SKIDA1: variants seen among roughly 807,000 people sequenced by gnomAD.
The protein encoded by SKIDA1 is SKI/DACH domain containing 1.
A neutral mutation model predicts 51.4 loss-of-function variants in SKIDA1; 18 were observed. The ratio of observed to expected loss-of-function variants is 0.35; its 90% CI spans 0.24 to 0.52. The LOEUF (loss-of-function observed/expected upper bound fraction) is 0.52. Among genes scored for constraint, SKIDA1 ranks in the 20% least tolerant of loss-of-function variants. SKIDA1 has a pLI of 0.95. For synonymous variants in SKIDA1, 579 were observed against 500.5 expected, an observed-to-expected ratio of 1.16 and a Z score of -2.09; for missense variants, 1,104 against 1,180.6, an observed-to-expected ratio of 0.94 and a Z score of 0.95.
Position 21,516,537 on chromosome 10 carries a change from C to CCCTCCTCCTCCTCCTCCTCTT in SKIDA1, c.1285_1286insAAGAGGAGGAGGAGGAGGAGG (p.Glu422_Glu428dup), listed in dbSNP as rs112207161. ...ACTGGAATCCGAGGCCCCGCTGCCC[C>CCCTCCTCCTCCTCCTCCTCTT]CCTCCTCCTCCTCTTCCTCCTCCTC... On this transcript the variant is annotated inframe_insertion, in exon 4 of 4. Coordinates refer to ENST00000449193, the MANE Select transcript of SKIDA1 (RefSeq NM_207371.4). This position sits in a 1 kb window ranked among gnomAD's most constrained non-coding sequence, Gnocchi z 5.7. The CCCTCCTCCTCCTCCTCCTCTT allele has an allele frequency of 7.0e-7, 1 of 1,431,856 alleles. No individual in the cohort carries two copies. The highest frequency in any genetic ancestry group is 9.5e-7 in the Non-Finnish European group (1 of 1,057,102). The allele number at this position is 1,431,856 out of a possible 1,614,324, so 88.7% of individuals were successfully genotyped here.
intron 3 of SKIDA1, among the ~76,000 whole-genome samples, chr10:21,520,715 C>T (rs1456958146): frequency 6.6e-6 from 1 of 151,544 alleles, no homozygotes; most frequent in African/African-American, 2.4e-5. Context: ...TTCAAAACTA[C>T]CTTCTTTTCC....
At position 21,517,257 on chromosome 10, in the gene SKIDA1, C is replaced by T; in HGVS notation, c.566G>A (p.Cys189Tyr). 6.8e-7 allele frequency: 1 copy of T among 1,474,522 alleles called. No homozygotes were observed. Among genetic ancestry groups the T allele is most frequent in the Non-Finnish European group, 9.0e-7 (1 of 1,110,086 alleles). The allele number at this position is 1,474,522 out of a possible 1,614,324, so 91.3% of individuals were successfully genotyped here. ...SHYPEIVRSP[C>Y]KPPLNYETAP... Reference sequence around the variant, plus strand: ...AGTTTCATAGTTTAGAGGGGGTTTGCACGGCGAGCGCACGATCTCCGGGTA... The same window carrying T: ...AGTTTCATAGTTTAGAGGGGGTTTGTACGGCGAGCGCACGATCTCCGGGTA... The change falls in exon 4 of 4, where the codon TGC (cysteine) becomes TAC (tyrosine). Residue 189 changes from cysteine (C) to tyrosine (Y), a missense_variant. Physicochemically the swap from Cys to Tyr is radical, Grantham distance 194. Coordinates refer to ENST00000449193, the MANE Select transcript of SKIDA1 (RefSeq NM_207371.4). The surrounding 1 kb of genome is among the most constrained non-coding windows in gnomAD (Gnocchi z 6.9).
chr10:21,517,121 AGCAGCGGCG>A lies in SKIDA1; in HGVS notation c.693_701del (p.Ala242_Ala244del), dbSNP rs1419517105. 3 of 1,076,470 alleles carry A rather than the reference AGCAGCGGCG, an allele frequency of 2.8e-6. No individual in the cohort carries two copies. Among genetic ancestry groups the A allele is most frequent in the African/African-American group, 1.9e-5 (1 of 52,290 alleles). The allele number at this position is 1,076,470 out of a possible 1,614,324, so 66.7% of individuals were successfully genotyped here. Reference sequence around the variant, plus strand: ...CGGCGGCGGCGGCGGCGGCGGCGGCAGCAGCGGCGGCGGCGGCGGCGGCGGCGGCTGCCG... The same window carrying A: ...CGGCGGCGGCGGCGGCGGCGGCGGCAGCGGCGGCGGCGGCGGCGGCTGCCG... On this transcript the variant is annotated inframe_deletion, in exon 4 of 4. Coordinates refer to ENST00000449193, the MANE Select transcript of SKIDA1 (RefSeq NM_207371.4). This position sits in a 1 kb window ranked among gnomAD's most constrained non-coding sequence, Gnocchi z 6.9.
In SKIDA1 at chr10:21,514,273, T is replaced by C. The variant is rs1480363832; in HGVS notation, c.*823A>G. The C allele has an allele frequency of 6.9e-6, 1 of 145,452 alleles. No homozygotes were observed. The highest frequency in any genetic ancestry group is 1.5e-5 in the Non-Finnish European group (1 of 66,624). 9.0% of individuals were successfully genotyped at this position (145,452 alleles called of 1,614,324 possible). ...ATTGTTTTGGGAGTTTGAAGAGTCA[T>C]GTTCAGACCACAAGATAAGCAGGAC... On this transcript the variant is annotated 3_prime_UTR_variant, in exon 4 of 4. Coordinates refer to ENST00000449193, the MANE Select transcript of SKIDA1 (RefSeq NM_207371.4).
intron 2 of SKIDA1, among the ~76,000 whole-genome samples, 198 bp from the exon 3 acceptor site, chr10:21,521,678 G>A (rs2032400059): frequency 6.6e-6 from 1 of 152,144 alleles, no homozygotes; most frequent in South Asian, 2.1e-4. Context: ...GATATGCATT[G>A]AGTTTAATTA....
chr10:21,517,126 C>T lies in SKIDA1; in HGVS notation c.697G>A (p.Ala233Thr), dbSNP rs1300747668. Residue 233 changes from alanine (A) to threonine (T), a missense_variant, in exon 4 of 4, where the codon GCT becomes ACT. By Grantham distance (58) the Ala-to-Thr change is moderately conservative. This residue lies in a region of SKIDA1 where 938 missense variants were observed against 886.4 expected (regional missense o/e 1.06). Transcript: ENST00000449193. This position sits in a 1 kb window ranked among gnomAD's most constrained non-coding sequence, Gnocchi z 6.9. Reference protein sequence around the residue: ...PAAAAAAAAAAAAAAAAAAAA... With the variant: ...PAAAAAAAAATAAAAAAAAAA... ...GCGGCGGCGGCGGCGGCGGCAGCAGCGGCGGCGGCGGCGGCGGCGGCGGCT... is the reference window on the plus strand; with the variant it reads ...GCGGCGGCGGCGGCGGCGGCAGCAGTGGCGGCGGCGGCGGCGGCGGCGGCT... 8.8e-6 allele frequency: 10 copies of T among 1,137,928 alleles called. No homozygotes were observed. Among genetic ancestry groups the T allele is most frequent in the Non-Finnish European group, 1.1e-5 (10 of 922,272 alleles). The allele number at this position is 1,137,928 out of a possible 1,614,324, so 70.5% of individuals were successfully genotyped here. A position where few individuals can be genotyped will look rare whatever the true frequency, so the allele number is the denominator to read the frequency against.
Position 21,516,916 on chromosome 10 carries a change from C to G in SKIDA1, c.907G>C (p.Ala303Pro). Residue 303 changes from alanine (A) to proline (P), a missense_variant, in exon 4 of 4, where the codon GCG (alanine) becomes CCG (proline). By Grantham distance (27) the Ala-to-Pro change is conservative (BLOSUM62 -1). This residue lies in a region of SKIDA1 where 938 missense variants were observed against 886.4 expected (regional missense o/e 1.06). Coordinates refer to ENST00000449193, the MANE Select transcript of SKIDA1 (RefSeq NM_207371.4). This position sits in a 1 kb window ranked among gnomAD's most constrained non-coding sequence, Gnocchi z 5.7. ...LLLPRSYKAKAAAAAAAAAAA... is the reference protein window; with the variant it reads ...LLLPRSYKAKPAAAAAAAAAA... ...GCCGCCGCCGCCGCCGCCGCCGCCG[C>G]CTTGGCTTTGTAGGACCTGGGCAAC... 8.9e-7 allele frequency: 1 copy of G among 1,124,780 alleles called. No individual in the cohort carries two copies. Among genetic ancestry groups the G allele is most frequent in the Non-Finnish European group, 1.1e-6 (1 of 922,928 alleles). The allele number at this position is 1,124,780 out of a possible 1,614,324, so 69.7% of individuals were successfully genotyped here. A position where few individuals can be genotyped will look rare whatever the true frequency, so the allele number is the denominator to read the frequency against.
chr10:21,515,556 C>A lies in SKIDA1; in HGVS notation c.2267G>T (p.Gly756Val), dbSNP rs779740258. The A allele has an allele frequency of 3.4e-5, 55 of 1,613,884 alleles. No individual in the cohort carries two copies. Among genetic ancestry groups the A allele is most frequent in the Non-Finnish European group, 4.3e-5 (51 of 1,179,900 alleles). Residue 756 changes from glycine (G) to valine (V), a missense_variant, in exon 4 of 4, where the codon GGC becomes GTC. Around this residue, in one of 3 missense-constraint regions of SKIDA1, gnomAD observed 938 missense variants for 886.4 expected, o/e 1.06. Transcript: ENST00000449193. ...PSLNPLAQSQ[G>V]LSCTLGSPKP... ...TGGAGAACCTAAAGTGCATGAAAGG[C>A]CCTGACTTTGAGCCAGTGGATTTAA... is the stretch of plus-strand genomic sequence containing the variant.
At position 21,516,938 on chromosome 10, in the gene SKIDA1, C is replaced by T. The variant is rs2032244362; in HGVS notation, c.885G>A (p.Leu295=). Residue 295 remains leucine, a synonymous_variant, in exon 4 of 4, where the codon TTG becomes TTA. Coordinates refer to ENST00000449193, the MANE Select transcript of SKIDA1 (RefSeq NM_207371.4). The surrounding 1 kb of genome is among the most constrained non-coding windows in gnomAD (Gnocchi z 5.7). ...CCGCCTTGGCTTTGTAGGACCTGGG[C>T]AACAGCAGCAGGCGCCGCGCGCCGG... ...PHAGARRLLL[L]PRSYKAKAAA... 1 of 1,160,370 alleles carries T rather than the reference C, an allele frequency of 8.6e-7. No individual in the cohort carries two copies. The highest frequency in any genetic ancestry group is 1.1e-6 in the Non-Finnish European group (1 of 940,334). The allele number at this position is 1,160,370 out of a possible 1,614,324, so 71.9% of individuals were successfully genotyped here.
At chr10:21,520,166 G>A (rs2032351746) in intron 3 of SKIDA1, among the ~76,000 whole-genome samples, 1 of 152,164 alleles carries the variant, frequency 6.6e-6, no homozygotes, top group South Asian at 2.1e-4. Flanking sequence ...AATGGATCTC[G>A]TGATATTTCA....
chr10:21,516,071 C>T lies in SKIDA1; in HGVS notation c.1752G>A (p.Lys584=). The T allele has an allele frequency of 6.2e-7, 1 of 1,614,044 alleles. No homozygotes were observed. The highest frequency in any genetic ancestry group is 8.5e-7 in the Non-Finnish European group (1 of 1,179,898). ...TTTGTTGTGGAAATGCATTGTTTGT[C>T]TTTGGGCTAGGTGAAGAGGCCCCCT... ...LAEGASSPSP[K]TNNAFPQQRI... Residue 584 remains lysine (K), a synonymous_variant, in exon 4 of 4, where the codon AAG becomes AAA. Coordinates refer to ENST00000449193, the MANE Select transcript of SKIDA1 (RefSeq NM_207371.4). This position sits in a 1 kb window ranked among gnomAD's most constrained non-coding sequence, Gnocchi z 5.7.
At position 21,515,444 on chromosome 10, in the gene SKIDA1, C is replaced by T. The variant is rs759530337; in HGVS notation, c.2379G>A (p.Gln793=). The change falls in exon 4 of 4, where the codon CAG becomes CAA. Residue 793 remains glutamine (Q), a synonymous_variant. Coordinates refer to ENST00000449193, the MANE Select transcript of SKIDA1 (RefSeq NM_207371.4). ...TLVLGKRPVL[Q]TPPVKPNLKS... is the part of the protein sequence containing the mutation. ...TCAAATTTGGTTTGACTGGAGGTGT[C>T]TGAAGGACAGGTCGCTTTCCCAGTA... The T allele has an allele frequency of 6.2e-7, 1 of 1,614,040 alleles. No homozygotes were observed. Among genetic ancestry groups the T allele is most frequent in the Non-Finnish European group, 8.5e-7 (1 of 1,179,898 alleles).
At position 21,516,514 on chromosome 10, in the gene SKIDA1, T is replaced by C. The variant is rs777401308; in HGVS notation, c.1309A>G (p.Ser437Gly). ...TCCTCCTCCTCCGAGCTGACTTCACTGGAATCCGAGGCCCCGCTGCCCCCC... is the reference window on the plus strand; with the variant it reads ...TCCTCCTCCTCCGAGCTGACTTCACCGGAATCCGAGGCCCCGCTGCCCCCC... ...EEGGSGASDS[S>G]EVSSEEEDSS... The change falls in exon 4 of 4, where the codon AGT becomes GGT. Residue 437 changes from serine to glycine, a missense_variant. By Grantham distance (56) the Ser-to-Gly change is moderately conservative (BLOSUM62 0). Coordinates refer to ENST00000449193, the MANE Select transcript of SKIDA1 (RefSeq NM_207371.4). This position sits in a 1 kb window ranked among gnomAD's most constrained non-coding sequence, Gnocchi z 5.7. 5 of 1,588,952 alleles carry C rather than the reference T, an allele frequency of 3.1e-6. No homozygotes were observed. The highest frequency in any genetic ancestry group is 1.1e-5 in the South Asian group (1 of 88,308).
chr10:21,516,079 T>G lies in SKIDA1; in HGVS notation c.1744A>C (p.Ser582Arg). 2 of 1,614,086 alleles carry G rather than the reference T, an allele frequency of 1.2e-6. No individual in the cohort carries two copies. Among genetic ancestry groups the G allele is most frequent in the Non-Finnish European group, 1.7e-6 (2 of 1,179,900 alleles). Reference protein sequence around the residue: ...NCLAEGASSPSPKTNNAFPQQ... With the variant: ...NCLAEGASSPRPKTNNAFPQQ... ...GGAAATGCATTGTTTGTCTTTGGGC[T>G]AGGTGAAGAGGCCCCCTCTGCCAGG... The change falls in exon 4 of 4, where the codon AGC becomes CGC. Residue 582 changes from serine to arginine, a missense_variant. This residue lies in a region of SKIDA1 where 938 missense variants were observed against 886.4 expected (regional missense o/e 1.06). Coordinates refer to ENST00000449193, the MANE Select transcript of SKIDA1 (RefSeq NM_207371.4). The surrounding 1 kb of genome is among the most constrained non-coding windows in gnomAD (Gnocchi z 5.7).
Position 21,516,978 on chromosome 10 carries a change from A to C in SKIDA1, c.845T>G (p.Leu282Arg). Residue 282 changes from leucine (L) to arginine (R), a missense_variant, in exon 4 of 4, where the codon CTG becomes CGG. Coordinates refer to ENST00000449193, the MANE Select transcript of SKIDA1 (RefSeq NM_207371.4). This position sits in a 1 kb window ranked among gnomAD's most constrained non-coding sequence, Gnocchi z 5.7. The part of the protein sequence containing the change: ...KRKRGGAKDC[L>R]LAPHAGARRL... ...CCGCGCGCCGGCGTGAGGCGCGAGCAGGCAGTCCTTGGCGCCGCCGCGCTT... is the reference window on the plus strand; with the variant it reads ...CCGCGCGCCGGCGTGAGGCGCGAGCCGGCAGTCCTTGGCGCCGCCGCGCTT... 1.7e-6 allele frequency: 2 copies of C among 1,145,172 alleles called. No individual in the cohort carries two copies. The highest frequency in any genetic ancestry group is 2.2e-6 in the Non-Finnish European group (2 of 929,470). 70.9% of individuals were successfully genotyped at this position (1,145,172 alleles called of 1,614,324 possible). A position where few individuals can be genotyped will look rare whatever the true frequency, so the allele number is the denominator to read the frequency against.
At chr10:21,520,533 A>G (rs1236854340) in intron 3 of SKIDA1, among the ~76,000 whole-genome samples, 4 of 138,128 alleles carry the variant, frequency 2.9e-5, no homozygotes, top group Non-Finnish European at 6.1e-5. Context: ...GTCAGCCAAG[A>G]AATAGTAAAC....
Position 21,515,640 on chromosome 10 carries a change from T to A in SKIDA1, c.2183A>T (p.Asp728Val), listed in dbSNP as rs898147459. The A allele has an allele frequency of 1.2e-6, 2 of 1,614,050 alleles. No individual in the cohort carries two copies. Among genetic ancestry groups the A allele is most frequent in the Admixed American group, 3.3e-5 (2 of 60,018 alleles). ...FYSVTESKEEDALLTTAKEGF... is the reference protein window; with the variant it reads ...FYSVTESKEEVALLTTAKEGF... ...TTCCTTGGCTGTGGTTAACAAGGCGTCCTCCTCTTTACTCTCAGTCACACT... is the reference window on the plus strand; with the variant it reads ...TTCCTTGGCTGTGGTTAACAAGGCGACCTCCTCTTTACTCTCAGTCACACT... Residue 728 changes from aspartate to valine, a missense_variant, in exon 4 of 4, where the codon GAC becomes GTC. By Grantham distance (152) the Asp-to-Val change is radical. Transcript: ENST00000449193.
rs970092834 is a variant in SKIDA1, at chr10:21,516,877, C to T, written c.946G>A (p.Ala316Thr). The T allele has an allele frequency of 3.1e-6, 4 of 1,278,168 alleles. No homozygotes were observed. Among genetic ancestry groups the T allele is most frequent in the African/African-American group, 3.1e-5 (2 of 64,082 alleles). 79.2% of individuals were successfully genotyped at this position (1,278,168 alleles called of 1,614,324 possible). A position where few individuals can be genotyped will look rare whatever the true frequency, so the allele number is the denominator to read the frequency against. ...TCCAGGCAAGTGGCCCCCGCGGCGG[C>T]CGCCGCCGCCGCTGCCGCCGCCGCC... Reference protein sequence around the residue: ...AAAAAAAAAAAAAGATCLERF... With the variant: ...AAAAAAAAAATAAGATCLERF... Residue 316 changes from alanine to threonine, a missense_variant, in exon 4 of 4, where the codon GCC becomes ACC. This residue lies in a region of SKIDA1 where 938 missense variants were observed against 886.4 expected (regional missense o/e 1.06). Coordinates refer to ENST00000449193, the MANE Select transcript of SKIDA1 (RefSeq NM_207371.4). The surrounding 1 kb of genome is among the most constrained non-coding windows in gnomAD (Gnocchi z 5.7).
chr10:21,516,822 G>T lies in SKIDA1; in HGVS notation c.1001C>A (p.Pro334Gln). ...GTGGTGGTGGTGGTGGTGCGGAGGC[G>T]GGCAGAAGCCGTTGACCAGATGAAA... ...ERFHLVNGFC[P>Q]PPHHHHHHHH... Residue 334 changes from proline (P) to glutamine (Q), a missense_variant, in exon 4 of 4, where the codon CCG (proline) becomes CAG (glutamine). Pro to Gln is a moderately conservative substitution (Grantham distance 76). Transcript: ENST00000449193. The surrounding 1 kb of genome is among the most constrained non-coding windows in gnomAD (Gnocchi z 5.7). 1 of 1,542,272 alleles carries T rather than the reference G, an allele frequency of 6.5e-7. No individual in the cohort carries two copies. Among genetic ancestry groups the T allele is most frequent in the Non-Finnish European group, 8.7e-7 (1 of 1,145,476 alleles).
Sources: gnomAD v4.1 joint callset for allele counts (sites outside exome capture counted in the v4.1 genomes callset) on GRCh38, gnomAD v4.1.1 for gene constraint, gnomAD v4.1.1 regional missense constraint, Gnocchi (gnomAD v3.1) non-coding constraint, MANE v1.5 for transcripts, NCBI Gene and HGNC (gene_info 2026-07-23, HGNC 2026-07-21) for gene names.